The following PRKN variants were observed in gnomAD, a reference collection of about 807,000 sequenced individuals.
PRKN encodes the protein parkin RBR E3 ubiquitin protein ligase, also known as E3 ubiquitin-protein ligase parkin.
In PRKN, 56 loss-of-function variants were observed where a neutral mutation model predicts 59.5. That is an observed-to-expected ratio of 0.94 (90% CI 0.76 to 1.18). The LOEUF is 1.18. PRKN is among the 50% of genes most tolerant of loss of function. PRKN has a pLI of 0.00. For synonymous variants in PRKN, 250 were observed against 222.1 expected, an observed-to-expected ratio of 1.13 and a Z score of -1.12; for missense variants, 657 against 596.4, an observed-to-expected ratio of 1.10 and a Z score of -1.06.
intron 7 of PRKN, among the ~76,000 whole-genome samples, chr6:161,629,576 C>A (rs1305370794): frequency 2.6e-5 from 4 of 152,150 alleles, no homozygotes; most frequent in African/African-American, 4.8e-5. Flanking sequence ...GCACCCTATA[C>A]ATGACTCTGC....
At chr6:162,481,486 C>T (rs531374425) in intron 1 of PRKN, among the ~76,000 whole-genome samples, 1 of 152,176 alleles carries the variant, frequency 6.6e-6, no homozygotes, top group East Asian at 1.9e-4. Flanking sequence ...ATAATGTTTC[C>T]ATTAAGTGGA....
intron 2 of PRKN, among the ~76,000 whole-genome samples, chr6:162,390,536 G>A (rs1049183825): frequency 6.6e-6 from 1 of 151,340 alleles, no homozygotes; most frequent in Non-Finnish European, 1.5e-5. Context: ...TCGCCTCCCG[G>A]GTTCAAGTGA....
intron 6 of PRKN, among the ~76,000 whole-genome samples, chr6:161,909,226 G>A (rs181338757): frequency 1.2e-4 from 19 of 152,216 alleles, no homozygotes; most frequent in South Asian, 4.1e-4. Context: ...TTTTGTTTCC[G>A]CAGAAATGTT....
chr6:162,535,968 C>A (rs541200126), intron 1 of PRKN, among the ~76,000 whole-genome samples: 86 of 151,482 alleles, frequency 5.7e-4, no homozygotes, highest in African/African-American at 2.0e-3. Context: ...GTACTGAAAA[C>A]CATCTCCTAA....
intron 1 of PRKN, among the ~76,000 whole-genome samples, chr6:162,523,220 G>A (rs1220955967): frequency 6.6e-6 from 1 of 152,216 alleles, no homozygotes; most frequent in Non-Finnish European, 1.5e-5. Flanking sequence ...TCACAGGAGA[G>A]TGGGAATTCA....
intron 9 of PRKN, among the ~76,000 whole-genome samples, chr6:161,476,332 T>C (rs567898879): frequency 3.5e-4 from 53 of 152,312 alleles, no homozygotes; most frequent in African/African-American, 1.3e-3. Context: ...AAAAAGCTGC[T>C]GCTTCTGATG....
intron 9 of PRKN, among the ~76,000 whole-genome samples, chr6:161,464,737 G>A (rs1444065288): frequency 1.3e-5 from 2 of 152,166 alleles, no homozygotes; most frequent in African/African-American, 4.8e-5. Context: ...ATGCCTTGAA[G>A]GGCTCCAAAG....
At chr6:162,225,467 C>G (rs141313618) in intron 3 of PRKN, among the ~76,000 whole-genome samples, 1 of 152,102 alleles carries the variant, frequency 6.6e-6, no homozygotes, top group Admixed American at 6.6e-5. Context: ...ATCGGGATAC[C>G]TTCTTTCATC....
chr6:161,627,870 G>A (rs1253333267), intron 7 of PRKN, among the ~76,000 whole-genome samples: 2 of 152,168 alleles, frequency 1.3e-5, no homozygotes, highest in Non-Finnish European at 2.9e-5. Context: ...ACTTCACTTA[G>A]GAATAAATTG....
At position 161,746,844 on chromosome 6, in the gene PRKN, ATATG is replaced by A. The variant is rs767633940; in HGVS notation, c.871+38924_871+38927del. Among the ~76,000 whole-genome samples the A allele has an allele frequency of 8.7e-5, 13 of 149,212 alleles. No individual in the cohort carries two copies. In the South Asian group the frequency reaches 1.7e-3, roughly 19 times the overall value. ...TATATGTCTATATATGTATATATCTATATGTATGTATCTATATATCTACGTATAT... is the reference window on the plus strand; with the variant it reads ...TATATGTCTATATATGTATATATCTATATGTATCTATATATCTACGTATAT... On this transcript the variant is annotated intron_variant, in intron 7 of 11. Transcript: ENST00000366898.
At chr6:161,730,202 C>CTGTGTTGCATTCTGA (rs1186554874) in intron 7 of PRKN, among the ~76,000 whole-genome samples, 1 of 145,244 alleles carries the variant, frequency 6.9e-6, no homozygotes, top group Admixed American at 6.8e-5. Context: ...TGCATTCTTT[C>CTGTGTTGCATTCTGA]TGTGTTGCAT....
rs372901147 is a variant in PRKN at position 161,463,277 on chromosome 6, T to C, written c.1084-76400A>G. On this transcript the variant is annotated intron_variant, in intron 9 of 11. Coordinates refer to ENST00000366898, the MANE Select transcript of PRKN (RefSeq NM_004562.3). The surrounding 1 kb of genome is among the most constrained non-coding windows in gnomAD (Gnocchi z 4.8). Reference sequence around the variant, plus strand: ...GTGCCTCTCCTGACCCCTCCTCCCTTGTTACCAAGGATGCCAAAACTTTCC... The same window carrying C: ...GTGCCTCTCCTGACCCCTCCTCCCTCGTTACCAAGGATGCCAAAACTTTCC... Among the ~76,000 whole-genome samples, 83 of 152,292 alleles carry C rather than the reference T, an allele frequency of 5.5e-4. No individual in the cohort carries two copies. The highest frequency in any genetic ancestry group is 1.9e-3 in the African/African-American group (78 of 41,568).
At position 162,104,203 on chromosome 6, in the gene PRKN, T is replaced by C. The variant is rs73783414; in HGVS notation, c.535-50029A>G. On this transcript the variant is annotated intron_variant, in intron 4 of 11. Coordinates refer to ENST00000366898, the MANE Select transcript of PRKN (RefSeq NM_004562.3). The stretch of plus-strand genomic sequence containing the variant: ...ATGGCAGCACCTACTTCAAGGTTGG[T>C]TGGAAGGGGTGAATGAGTTAATCCA... Among the ~76,000 whole-genome samples, 413 of 152,220 alleles carry C rather than the reference T, an allele frequency of 2.7e-3. 3 individuals are homozygous for C. Among genetic ancestry groups the C allele is most frequent in the African/African-American group, 9.6e-3 (397 of 41,548 alleles).
At position 161,371,727 on chromosome 6, in the gene PRKN, C is replaced by A. The variant is rs903958438; in HGVS notation, c.1168-11522G>T. 1.3e-5 allele frequency among the ~76,000 whole-genome samples: 2 copies of A among 152,212 alleles called. No individual in the cohort carries two copies. The highest frequency in any genetic ancestry group is 4.8e-5 in the African/African-American group (2 of 41,454). ...AATCTCGGCTCACTACAACCTCCAC[C>A]TCCTGGGTTCAAGCGATTCTCATGC... On this transcript the variant is annotated intron_variant, in intron 10 of 11. Coordinates refer to ENST00000366898, the MANE Select transcript of PRKN (RefSeq NM_004562.3). The surrounding 1 kb of genome is among the most constrained non-coding windows in gnomAD (Gnocchi z 5.5).
chr6:161,823,178 C>G (rs1381843160), intron 6 of PRKN, among the ~76,000 whole-genome samples: 1 of 151,580 alleles, frequency 6.6e-6, no homozygotes, highest in Non-Finnish European at 1.5e-5. Flanking sequence ...CTCAAGTGAT[C>G]CCTCTGCCTT....
At chr6:162,259,483 T>C (rs1407107942) in intron 3 of PRKN, among the ~76,000 whole-genome samples, 2 of 152,182 alleles carry the variant, frequency 1.3e-5, no homozygotes, top group East Asian at 1.9e-4. Flanking sequence ...CAAAGAAACA[T>C]GGAAAAACAT....
intron 5 of PRKN, among the ~76,000 whole-genome samples, chr6:162,046,911 A>AT (rs1784272451): frequency 6.6e-6 from 1 of 151,844 alleles, no homozygotes; most frequent in Non-Finnish European, 1.5e-5. Flanking sequence ...AATTAAAAAA[A>AT]AAAACAAGAA....
chr6:161,736,705 C>T (rs1787979139), intron 7 of PRKN, among the ~76,000 whole-genome samples: 1 of 152,070 alleles, frequency 6.6e-6, no homozygotes, highest in Non-Finnish European at 1.5e-5. Flanking sequence ...ACATGACTTC[C>T]CAGAGAATGT....
intron 6 of PRKN, among the ~76,000 whole-genome samples, chr6:161,850,233 T>C (rs916384646): frequency 6.6e-6 from 1 of 152,116 alleles, no homozygotes; most frequent in Non-Finnish European, 1.5e-5. Flanking sequence ...ATAGCACTTG[T>C]GGAATGAGTC....
Sources: gnomAD v4.1 joint callset for allele counts (sites outside exome capture counted in the v4.1 genomes callset) on GRCh38, gnomAD v4.1.1 for gene constraint, Gnocchi (gnomAD v3.1) non-coding constraint, MANE v1.5 for transcripts, NCBI Gene and HGNC (gene_info 2026-07-23, HGNC 2026-07-21) for gene names.